Variants in PGAP2 observed in about 807,000 individuals in gnomAD.
PGAP2 encodes post-GPI attachment to proteins 2.
A neutral mutation model predicts 33.2 loss-of-function variants in PGAP2; 21 were observed. That is an observed-to-expected ratio of 0.63 (90% confidence interval 0.45 to 0.91). The LOEUF is 0.91. PGAP2 is among the 40% of genes least tolerant of loss of function. The probability of loss-of-function intolerance (pLI) is 0.00; values close to 1 mark genes in which losing one functional copy is unlikely to be tolerated. For synonymous variants in PGAP2, 161 were observed against 172.9 expected (o/e 0.93, Z 0.54); for missense variants, 345 against 424.0 (o/e 0.81, Z 1.64).
intron 3 of PGAP2, chr11:3,823,029 T>TC: frequency 5.8e-6 from 2 of 346,306 alleles, no homozygotes; most frequent in Admixed American, 6.1e-5. Context: ...CTTTTCTTTT[T>TC]TTTTTTTTTT....
At chr11:3,821,253 C>T (rs927240788) in intron 3 of PGAP2, among the ~76,000 whole-genome samples, 2 of 152,120 alleles carry the variant, frequency 1.3e-5, no homozygotes, top group Admixed American at 1.3e-4. Context: ...TGCTCACCTT[C>T]TCAGCAGTCT....
Position 3,808,569 on chromosome 11 carries a change from C to T in PGAP2, c.-93C>T. 1 of 1,378,152 alleles carries T rather than the reference C, an allele frequency of 7.3e-7. No individual in the cohort carries two copies. The allele number at this position is 1,378,152 out of a possible 1,614,324, so 85.4% of individuals were successfully genotyped here. On this transcript the variant is annotated 5_prime_UTR_variant, in exon 1 of 7. Transcript: ENST00000278243. The stretch of plus-strand genomic sequence containing the variant: ...CGGCCCCGCCCCCGCCGTTCGCGCT[C>T]TGACCAGCCCGCAGAGCCAGCCCCC...
intron 3 of PGAP2, among the ~76,000 whole-genome samples, chr11:3,820,897 G>GGAAATTGGA (rs933794578): frequency 6.6e-6 from 1 of 152,172 alleles, no homozygotes; most frequent in African/African-American, 2.4e-5. Flanking sequence ...TTACCAATGA[G>GGAAATTGGA]GAAATTGGAG....
rs1251647627 is a variant in PGAP2 at position 3,817,515 on chromosome 11, A to G, written c.328A>G (p.Thr110Ala). Residue 110 changes from threonine to alanine, a missense_variant, in exon 3 of 7, where the codon ACG (threonine) becomes GCG (alanine). Physicochemically the swap from Thr to Ala is moderately conservative, Grantham distance 58. Around this residue, in one of 2 missense-constraint regions of PGAP2, gnomAD observed 311 missense variants for 353.6 expected, o/e 0.88. Coordinates refer to ENST00000278243, the MANE Select transcript of PGAP2 (RefSeq NM_014489.4). ...GTCCCTGGTGTTCCACTTTGAGTACACGGTGGCCACTGACTGTGGGGTGAG... is the reference window on the plus strand; with the variant it reads ...GTCCCTGGTGTTCCACTTTGAGTACGCGGTGGCCACTGACTGTGGGGTGAG... ...IWSLVFHFEY[T>A]VATDCGVPNY... The G allele has an allele frequency of 1.2e-6, 2 of 1,614,106 alleles. No individual in the cohort carries two copies. Among genetic ancestry groups the G allele is most frequent in the East Asian group, 4.5e-5 (2 of 44,870 alleles).
intron 2 of PGAP2, 52 bp from the exon 3 acceptor site, chr11:3,817,301 C>G: frequency 1.4e-6 from 2 of 1,479,824 alleles, no homozygotes; most frequent in Non-Finnish European, 1.8e-6. Context: ...CCCCACTTTC[C>G]CAGACCCAGG....
At chr11:3,801,869 C>A (rs572010572) in intron 1 of PGAP2, among the ~76,000 whole-genome samples, 2 of 151,788 alleles carry the variant, frequency 1.3e-5, no homozygotes, top group Non-Finnish European at 2.9e-5. Context: ...CACTTGAACC[C>A]GGGAGGTGGA....
chr11:3,824,809 A>T (rs2089709454), intron 5 of PGAP2: 1 of 1,434,072 alleles, frequency 7.0e-7, no homozygotes, highest in African/African-American at 1.4e-5. Flanking sequence ...AAGCGGCAGG[A>T]ATACCACTGC....
chr11:3,815,418 C>T (rs2086788625), intron 2 of PGAP2, among the ~76,000 whole-genome samples: 1 of 151,218 alleles, frequency 6.6e-6, no homozygotes, highest in Admixed American at 6.6e-5. Flanking sequence ...AAGCGATTCT[C>T]CTGTCTCAGC....
Position 3,825,714 on chromosome 11 carries a change from A to C in PGAP2, c.*256A>C. On this transcript the variant is annotated 3_prime_UTR_variant, in exon 7 of 7. Coordinates refer to ENST00000278243, the MANE Select transcript of PGAP2 (RefSeq NM_014489.4). ...AGCTGAGCTGGCAGAGAGCTCCACCATTTGGTGCTAAAAAAAAAAACGTCC... is the reference window on the plus strand; with the variant it reads ...AGCTGAGCTGGCAGAGAGCTCCACCCTTTGGTGCTAAAAAAAAAAACGTCC... 1 of 230,574 alleles carries C rather than the reference A, an allele frequency of 4.3e-6. No homozygotes were observed. Among genetic ancestry groups the C allele is most frequent in the Non-Finnish European group, 8.2e-6 (1 of 121,320 alleles). The allele number at this position is 230,574 out of a possible 1,614,324, so 14.3% of individuals were successfully genotyped here.
At chr11:3,824,881 C>A in intron 5 of PGAP2, 139 bp from the exon 6 acceptor site, 8 of 1,475,732 alleles carry the variant, frequency 5.4e-6, no homozygotes, top group Non-Finnish European at 7.2e-6. Context: ...TTCTTGCTGC[C>A]CCTGCCTGTG....
At chr11:3,802,890 C>G (rs751551833) in intron 1 of PGAP2, among the ~76,000 whole-genome samples, 5 of 149,538 alleles carry the variant, frequency 3.3e-5, no homozygotes, top group Non-Finnish European at 7.4e-5. Context: ...GCAGTGGCAC[C>G]ATCTCGGCTC....
At position 3,825,803 on chromosome 11, in the gene PGAP2, G is replaced by A. The variant is rs1590457368; in HGVS notation, c.*345G>A. 1 of 212,602 alleles carries A rather than the reference G, an allele frequency of 4.7e-6. No individual in the cohort carries two copies. Among genetic ancestry groups the A allele is most frequent in the East Asian group, 1.2e-4 (1 of 8,616 alleles). 13.2% of individuals were successfully genotyped at this position (212,602 alleles called of 1,614,324 possible). A position where few individuals can be genotyped will look rare whatever the true frequency, so the allele number is the denominator to read the frequency against. ...CAGTCACCTTTCACTGAGGTCAGGA[G>A]CCCCTGAGCAGTGGCTGCTCCCTGA... On this transcript the variant is annotated 3_prime_UTR_variant, in exon 7 of 7. Coordinates refer to ENST00000278243, the MANE Select transcript of PGAP2 (RefSeq NM_014489.4).
chr11:3,822,247 C>A (rs1184186978), intron 3 of PGAP2, among the ~76,000 whole-genome samples: 4 of 151,946 alleles, frequency 2.6e-5, no homozygotes, highest in African/African-American at 9.7e-5. Context: ...GCCTGTAGTC[C>A]CAGCTACTCG....
At chr11:3,810,535 G>A (rs1303731210) in intron 1 of PGAP2, among the ~76,000 whole-genome samples, 1 of 152,168 alleles carries the variant, frequency 6.6e-6, no homozygotes, top group Non-Finnish European at 1.5e-5. Flanking sequence ...AGGGTGATGT[G>A]GACAGCCCCC....
chr11:3,822,728 T>A (rs989931320), intron 3 of PGAP2, among the ~76,000 whole-genome samples: 2 of 152,186 alleles, frequency 1.3e-5, no homozygotes, highest in African/African-American at 4.8e-5. Flanking sequence ...GTGAGTTGTA[T>A]GGGTAATTAA....
At chr11:3,824,961 G>A (rs1022064580) in intron 5 of PGAP2, 59 bp from the exon 6 acceptor site, 4 of 1,609,096 alleles carry the variant, frequency 2.5e-6, no homozygotes, top group African/African-American at 2.7e-5. Context: ...GGGCTGAGAG[G>A]GGAGCCCACG....
intron 3 of PGAP2, among the ~76,000 whole-genome samples, chr11:3,818,149 G>C (rs2087589344): frequency 6.6e-6 from 1 of 150,840 alleles, no homozygotes; most frequent in Non-Finnish European, 1.5e-5. Context: ...GATCACCTGA[G>C]GTCAGGAGTT....
At chr11:3,814,800 CTTTCTTTCTTTCTCTTTCTTTCTTTT>C (rs1565012722) in intron 2 of PGAP2, among the ~76,000 whole-genome samples, 5 of 117,980 alleles carry the variant, frequency 4.2e-5, no homozygotes, top group Non-Finnish European at 9.3e-5. Flanking sequence ...TTCTTTCTTT[CTTTCTTTCTTTCTCTTTCTTTCTTTT>C]TTTCTTTTTT....
In PGAP2 at chr11:3,825,094, C is replaced by T. The variant is rs376152755; in HGVS notation, c.783C>T (p.Val261=). The T allele has an allele frequency of 6.2e-7, 1 of 1,614,200 alleles. No homozygotes were observed. Among genetic ancestry groups the T allele is most frequent in the East Asian group, 2.2e-5 (1 of 44,886 alleles). ...TCTCCTTCTTCTCGGCGCTGGCTGTCTACTTTCGGCACAACATGTATTGTG... is the reference window on the plus strand; with the variant it reads ...TCTCCTTCTTCTCGGCGCTGGCTGTTTACTTTCGGCACAACATGTATTGTG... ...NFISFFSALA[V]YFRHNMYCEA... The change falls in exon 6 of 7, where the codon GTC becomes GTT. Residue 261 remains valine, a synonymous_variant. Transcript: ENST00000278243.
Sources: allele counts gnomAD v4.1 joint callset (sites outside exome capture counted in the v4.1 genomes callset), GRCh38; gene constraint gnomAD v4.1.1; regional missense constraint gnomAD v4.1.1; transcripts MANE v1.5; gene names NCBI Gene and HGNC (gene_info 2026-07-23, HGNC 2026-07-21).